TASOR: variants seen among roughly 807,000 people sequenced by gnomAD.
The protein encoded by TASOR is transcription activation suppressor, also known as protein TASOR.
In TASOR, 53 loss-of-function variants were observed where a neutral mutation model predicts 178.6. The ratio of observed to expected loss-of-function variants is 0.30; its 90% CI spans 0.24 to 0.37. The LOEUF (loss-of-function observed/expected upper bound fraction) is 0.37, where lower values mean the gene tolerates loss of function less well. TASOR is among the 10% of genes least tolerant of loss of function. TASOR has a pLI of 1.00. For missense variants in TASOR, 1,815 were observed against 1,971.4 expected (o/e 0.92, Z 1.50); for synonymous variants, 713 against 696.2 (o/e 1.02, Z -0.38).
At position 56,621,514 on chromosome 3, in the gene TASOR, A is replaced by G. The variant is rs1035283637; in HGVS notation, c.*1523T>C. The G allele has an allele frequency of 9.8e-6, 15 of 1,534,656 alleles. No homozygotes were observed. Among genetic ancestry groups the G allele is most frequent in the South Asian group, 2.4e-5 (2 of 83,960 alleles). On this transcript the variant is annotated 3_prime_UTR_variant, in exon 24 of 24. Transcript: ENST00000683822. Reference sequence around the variant, plus strand: ...GTGTGCACATTTTACTAACAAACATATATCAATGTGATTTCAGGGCCTTCT... The same window carrying G: ...GTGTGCACATTTTACTAACAAACATGTATCAATGTGATTTCAGGGCCTTCT...
chr3:56,681,870 C>A (rs916244767), intron 1 of TASOR, among the ~76,000 whole-genome samples: 1 of 152,112 alleles, frequency 6.6e-6, no homozygotes, highest in Admixed American at 6.6e-5. Flanking sequence ...CATATGGGTT[C>A]CAAAAACTAA....
intron 2 of TASOR, among the ~76,000 whole-genome samples, chr3:56,672,766 G>A (rs2030862160): frequency 1.3e-5 from 2 of 152,048 alleles, no homozygotes; most frequent in Non-Finnish European, 2.9e-5. Context: ...TCCAATTTAG[G>A]CATTTAATTA....
Position 56,678,806 on chromosome 3 carries a change from T to A in TASOR, c.331+3870A>T, listed in dbSNP as rs1331760155. ...AGGGCGGATCACTTCAGGTCAGGAGTTCCAGACCAGCCTGGCCAACATGGC... is the reference window on the plus strand; with the variant it reads ...AGGGCGGATCACTTCAGGTCAGGAGATCCAGACCAGCCTGGCCAACATGGC... On this transcript the variant is annotated intron_variant, in intron 1 of 23. Coordinates refer to ENST00000683822, the MANE Select transcript of TASOR (RefSeq NM_001365635.2). 2.0e-5 allele frequency among the ~76,000 whole-genome samples: 3 copies of A among 151,804 alleles called. 1 individual carries two copies. The Middle Eastern group carries it at 0.01, about 516-fold the overall frequency.
At chr3:56,658,733 C>T (rs1000205461) in intron 11 of TASOR, among the ~76,000 whole-genome samples, 25 of 152,172 alleles carry the variant, frequency 1.6e-4, no homozygotes, top group Middle Eastern at 6.8e-3. Flanking sequence ...ATGATAAAAC[C>T]CCGTCTCTAC....
intron 2 of TASOR, among the ~76,000 whole-genome samples, chr3:56,672,934 C>T (rs370572545): frequency 2.0e-5 from 3 of 152,292 alleles, no homozygotes; most frequent in African/African-American, 7.2e-5. Flanking sequence ...AATTCTCCTG[C>T]CTCACCCTCC....
rs981006199 is a variant in TASOR, at chr3:56,662,266, C to T, written c.1160+119G>A. The T allele has an allele frequency of 5.0e-5, 32 of 634,486 alleles. 1 individual carries two copies. The highest frequency in any genetic ancestry group is 8.7e-5 in the Non-Finnish European group (31 of 357,116). 39.3% of individuals were successfully genotyped at this position (634,486 alleles called of 1,614,324 possible). ...ATCAACCATTTAAAAAACAAACCAA[C>T]ATTTATATTGAAGTTCTTATGAACC... On this transcript the variant is annotated intron_variant, in intron 9 of 23. Transcript: ENST00000683822.
At chr3:56,676,632 A>C (rs1054696766) in intron 1 of TASOR, among the ~76,000 whole-genome samples, 1 of 152,200 alleles carries the variant, frequency 6.6e-6, no homozygotes, top group Non-Finnish European at 1.5e-5. Flanking sequence ...AAATGTACAC[A>C]AAAAAAGGTA....
At chr3:56,626,237 A>G (rs2076796514) in intron 21 of TASOR, among the ~76,000 whole-genome samples, 1 of 152,302 alleles carries the variant, frequency 6.6e-6, no homozygotes, top group Middle Eastern at 3.4e-3. Context: ...GAATCTCTCA[A>G]TTGACTAGTG....
At chr3:56,675,997 AAC>A (rs746808401) in intron 1 of TASOR, among the ~76,000 whole-genome samples, 1 of 152,242 alleles carries the variant, frequency 6.6e-6, no homozygotes, top group African/African-American at 2.4e-5. Flanking sequence ...AAAAATAGTC[AAC>A]AGTTATAGCA....
intron 7 of TASOR, chr3:56,664,355 A>G (rs1327902924): frequency 1.3e-5 from 2 of 152,248 alleles, no homozygotes; most frequent in African/African-American, 4.8e-5. Context: ...TGACCTCATA[A>G]TTTTAAGTGC....
chr3:56,621,638 T>C lies in TASOR; in HGVS notation c.*1399A>G. On this transcript the variant is annotated 3_prime_UTR_variant, in exon 24 of 24. Transcript: ENST00000683822. ...TTTTAAATGTAGAAAATCAAATCCT[T>C]CACATTTGATTTGTGTCTTCCAAAT... 1 of 1,515,382 alleles carries C rather than the reference T, an allele frequency of 6.6e-7. No individual in the cohort carries two copies. The highest frequency in any genetic ancestry group is 9.1e-7 in the Non-Finnish European group (1 of 1,100,778). 93.9% of individuals were successfully genotyped at this position (1,515,382 alleles called of 1,614,324 possible).
At chr3:56,630,797 A>G (rs1268852550) in intron 18 of TASOR, among the ~76,000 whole-genome samples, 1 of 152,082 alleles carries the variant, frequency 6.6e-6, no homozygotes, top group Non-Finnish European at 1.5e-5. Flanking sequence ...GTGAGCCAAG[A>G]TAGTGCCATT....
At chr3:56,667,570 T>C (rs2030176538) in intron 6 of TASOR, among the ~76,000 whole-genome samples, 1 of 152,108 alleles carries the variant, frequency 6.6e-6, no homozygotes, top group Non-Finnish European at 1.5e-5. Flanking sequence ...GGCAGGAGAA[T>C]CATTTGAACC....
chr3:56,671,745 A>G, intron 2 of TASOR, 53 bp from the exon 3 acceptor site: 4 of 1,360,664 alleles, frequency 2.9e-6, no homozygotes, highest in Non-Finnish European at 4.0e-6. Context: ...ATGTTTTTCA[A>G]GCTACAAGTT....
chr3:56,635,638 T>A lies in TASOR; in HGVS notation c.2825-1672A>T, dbSNP rs958335597. Reference sequence around the variant, plus strand: ...TGGGTTGCGAAGAACTACCTTAATTTAAAAAATTCTGAATTATTTATTAGA... The same window carrying A: ...TGGGTTGCGAAGAACTACCTTAATTAAAAAAATTCTGAATTATTTATTAGA... On this transcript the variant is annotated intron_variant, in intron 17 of 23. Transcript: ENST00000683822. 3.3e-5 allele frequency among the ~76,000 whole-genome samples: 5 copies of A among 152,226 alleles called. No homozygotes were observed. In the South Asian group the frequency reaches 8.3e-4, roughly 25 times the overall value.
intron 18 of TASOR, among the ~76,000 whole-genome samples, chr3:56,630,663 G>A (rs1386525158): frequency 1.3e-5 from 2 of 152,122 alleles, no homozygotes; most frequent in African/African-American, 4.8e-5. Context: ...GGCCAACATG[G>A]TGAAACCCTG....
rs576722102 is a variant in TASOR at position 56,648,967 on chromosome 3, T to C, written c.1441+18A>G. 2 of 1,600,598 alleles carry C rather than the reference T, an allele frequency of 1.2e-6. No homozygotes were observed. The highest frequency in any genetic ancestry group is 3.5e-5 in the Admixed American group (2 of 57,408). ...TTAAGAAAGAATTGTAAAAATTTAT[T>C]AAAGAGAGACCACCTACCATATGGA... On this transcript the variant is annotated intron_variant, in intron 12 of 23. Coordinates refer to ENST00000683822, the MANE Select transcript of TASOR (RefSeq NM_001365635.2).
At chr3:56,657,221 C>T (rs931321020) in intron 11 of TASOR, among the ~76,000 whole-genome samples, 27 of 149,806 alleles carry the variant, frequency 1.8e-4, no homozygotes, top group African/African-American at 6.2e-4. Context: ...CCAGCTACTC[C>T]GGAGACTGAG....
rs761996728 is a variant in TASOR at position 56,623,030 on chromosome 3, A to G, written c.*7T>C. On this transcript the variant is annotated 3_prime_UTR_variant, in exon 24 of 24. Coordinates refer to ENST00000683822, the MANE Select transcript of TASOR (RefSeq NM_001365635.2). ...ACAACAATCTCTTAAAAAAAAAGTT[A>G]CTACAGTTATTTCTCTTGTGAATAT... 3.3e-6 allele frequency: 5 copies of G among 1,499,280 alleles called. No homozygotes were observed. Among genetic ancestry groups the G allele is most frequent in the Non-Finnish European group, 4.4e-6 (5 of 1,125,022 alleles). 92.9% of individuals were successfully genotyped at this position (1,499,280 alleles called of 1,614,324 possible).
Sources: allele counts gnomAD v4.1 joint callset (sites outside exome capture counted in the v4.1 genomes callset), GRCh38; gene constraint gnomAD v4.1.1; transcripts MANE v1.5; gene names NCBI Gene and HGNC (gene_info 2026-07-23, HGNC 2026-07-21).